The following SAV1 variants were observed in gnomAD, a reference collection of about 807,000 sequenced individuals.
SAV1 encodes the protein protein salvador homolog 1.
A neutral mutation model predicts 47.3 loss-of-function variants in SAV1; 23 were observed. The ratio of observed to expected loss-of-function variants is 0.49; its 90% CI spans 0.35 to 0.69. SAV1 has a LOEUF of 0.69. SAV1 is among the 30% of genes least tolerant of loss of function. The pLI is 0.01. For synonymous variants in SAV1, 155 were observed against 159.2 expected, an observed-to-expected ratio of 0.97 and a Z score of 0.20; for missense variants, 448 against 457.4, an observed-to-expected ratio of 0.98 and a Z score of 0.19.
intron 2 of SAV1, among the ~76,000 whole-genome samples, chr14:50,655,897 TAGCCGGGCATG>T (rs772255049): frequency 6.6e-6 from 1 of 151,950 alleles, no homozygotes; most frequent in Non-Finnish European, 1.5e-5. Context: ...AATACAAACT[TAGCCGGGCATG>T]GTGGCATATG....
At chr14:50,644,602 C>T (rs2039705187) in intron 3 of SAV1, 142 bp downstream of exon 3, 6 of 727,244 alleles carry the variant, frequency 8.3e-6, no homozygotes, top group South Asian at 6.4e-5. Context: ...AATGTATGTC[C>T]AGAGAAAAAT....
At position 50,667,902 on chromosome 14, in the gene SAV1, C is replaced by T. The variant is rs777411990; in HGVS notation, c.66G>A (p.Val22=). The T allele has an allele frequency of 2.5e-6, 4 of 1,613,228 alleles. No homozygotes were observed. Among genetic ancestry groups the T allele is most frequent in the Non-Finnish European group, 3.4e-6 (4 of 1,179,526 alleles). The change falls in exon 1 of 5, where the codon GTG becomes GTA. Residue 22 remains valine, a synonymous_variant. Coordinates refer to ENST00000324679, the MANE Select transcript of SAV1 (RefSeq NM_021818.4). ...SKPAEVQGKY[V]KKETSPLLRN... is the part of the protein sequence containing the mutation. ...GAAGCAGAGGCGACGTCTCCTTCTT[C>T]ACGTACTTCCCCTGCACCTCGGCCG...
chr14:50,657,006 C>G (rs975616231), intron 2 of SAV1, among the ~76,000 whole-genome samples: 5 of 148,664 alleles, frequency 3.4e-5, no homozygotes, highest in Non-Finnish European at 7.4e-5. Context: ...GGGAAAAGCA[C>G]AGAACACAAA....
At chr14:50,643,502 C>G (rs1469885310) in intron 3 of SAV1, among the ~76,000 whole-genome samples, 1 of 152,146 alleles carries the variant, frequency 6.6e-6, no homozygotes, top group Non-Finnish European at 1.5e-5. Context: ...GAAATGGCCC[C>G]CATGATTCAA....
chr14:50,644,770 G>GGC lies in SAV1; in HGVS notation c.778_779dup (p.Gln261ProfsTer57). The GGC allele has an allele frequency of 6.2e-7, 1 of 1,614,024 alleles. No individual in the cohort carries two copies. Among genetic ancestry groups the GGC allele is most frequent in the Non-Finnish European group, 8.5e-7 (1 of 1,179,968 alleles). ...TAGGAGCACAGGGATGCCTGTATTG[G>GGC]GCCTTCTTATTTGTGTGATCTACAT... On this transcript the variant is annotated frameshift_variant, in exon 3 of 5. Coordinates refer to ENST00000324679, the MANE Select transcript of SAV1 (RefSeq NM_021818.4). LOFTEE classifies it high-confidence loss of function.
intron 2 of SAV1, among the ~76,000 whole-genome samples, chr14:50,656,723 T>G (rs921969319): frequency 3.9e-5 from 6 of 152,152 alleles, no homozygotes; most frequent in African/African-American, 1.4e-4. Flanking sequence ...ATTACAGGCG[T>G]GAGCCACCGT....
intron 2 of SAV1, among the ~76,000 whole-genome samples, chr14:50,656,374 T>A (rs568210429): frequency 6.6e-6 from 1 of 151,978 alleles, no homozygotes; most frequent in Admixed American, 6.5e-5. Context: ...CAATGCCCTG[T>A]AAAGCCATGA....
intron 4 of SAV1, among the ~76,000 whole-genome samples, chr14:50,635,638 A>T (rs1285408423): frequency 6.6e-6 from 1 of 152,152 alleles, no homozygotes; most frequent in African/African-American, 2.4e-5. Flanking sequence ...ACATAGCAAG[A>T]CCCTGTTTCT....
In SAV1 at chr14:50,665,269, C is replaced by T; in HGVS notation, c.445G>A (p.Gly149Arg). Reference protein sequence around the residue: ...FFDGQRKRPLGDRAHEDYRYY... With the variant: ...FFDGQRKRPLRDRAHEDYRYY... ...CTGTAGTCTTCATGTGCACGATCTC[C>T]AAGTGGCCGCTTTCTCTGACCATCA... is the stretch of plus-strand genomic sequence containing the variant. The change falls in exon 2 of 5, where the codon GGA becomes AGA. Residue 149 changes from glycine to arginine, a missense_variant. Gly to Arg is a moderately radical substitution (Grantham distance 125). Transcript: ENST00000324679. 2 of 1,613,820 alleles carry T rather than the reference C, an allele frequency of 1.2e-6. No homozygotes were observed. Among genetic ancestry groups the T allele is most frequent in the Middle Eastern group, 1.7e-4 (1 of 6,054 alleles).
chr14:50,650,892 AC>A (rs916335952), intron 2 of SAV1, among the ~76,000 whole-genome samples: 1 of 152,150 alleles, frequency 6.6e-6, no homozygotes, highest in Non-Finnish European at 1.5e-5. Flanking sequence ...GCGTGGCGGC[AC>A]ATGCCTGTAG....
At chr14:50,644,626 T>C in intron 3 of SAV1, 118 bp downstream of exon 3, 1 of 947,272 alleles carries the variant, frequency 1.1e-6, no homozygotes, top group Non-Finnish European at 1.5e-6. Context: ...AATTTTGAAA[T>C]ATAAGGCTTT....
At chr14:50,641,360 T>G (rs924381178) in intron 3 of SAV1, among the ~76,000 whole-genome samples, 1 of 150,838 alleles carries the variant, frequency 6.6e-6, no homozygotes, top group East Asian at 2.0e-4. Context: ...GGAGTCAGAG[T>G]TGATCAGAAC....
At position 50,635,277 on chromosome 14, in the gene SAV1, A is replaced by AT. The variant is rs2039625017; in HGVS notation, c.1057dup (p.Met353AsnfsTer3). The stretch of plus-strand genomic sequence containing the variant: ...AAGGGCTTGTCTGTATGCTTCATAC[A>AT]TTTTAACAATCTGCTCCAATTCTTT... On this transcript the variant is annotated frameshift_variant, in exon 5 of 5. Coordinates refer to ENST00000324679, the MANE Select transcript of SAV1 (RefSeq NM_021818.4). LOFTEE classifies it high-confidence loss of function. 1.2e-6 allele frequency: 2 copies of AT among 1,614,022 alleles called. No individual in the cohort carries two copies. The highest frequency in any genetic ancestry group is 2.7e-5 in the African/African-American group (2 of 74,922).
chr14:50,665,173 A>G lies in SAV1; in HGVS notation c.535+6T>C. On this transcript the variant is annotated splice_donor_region_variant and intron_variant, in intron 2 of 4. Transcript: ENST00000324679. ...AACTACTATATTATTTATAATGTTA[A>G]GCTACCTGAAGCATGCCTCCCCTGA... 1 of 1,544,954 alleles carries G rather than the reference A, an allele frequency of 6.5e-7. No individual in the cohort carries two copies. The highest frequency in any genetic ancestry group is 2.3e-5 in the East Asian group (1 of 44,436).
intron 2 of SAV1, among the ~76,000 whole-genome samples, chr14:50,658,872 G>A (rs1393131023): frequency 6.6e-6 from 1 of 152,086 alleles, no homozygotes; most frequent in Non-Finnish European, 1.5e-5. Context: ...TTTTTCCCTT[G>A]TGGAAGAGGC....
At chr14:50,659,180 T>G (rs752497762) in intron 2 of SAV1, among the ~76,000 whole-genome samples, 9 of 151,276 alleles carry the variant, frequency 5.9e-5, no homozygotes, top group Non-Finnish European at 1.0e-4. Flanking sequence ...TAAAAGAGCC[T>G]GGGATGAGAC....
At chr14:50,652,074 G>T (rs993037404) in intron 2 of SAV1, among the ~76,000 whole-genome samples, 2 of 152,140 alleles carry the variant, frequency 1.3e-5, no homozygotes, top group Non-Finnish European at 2.9e-5. Context: ...TAAAGCAAAT[G>T]AATAGTTACA....
At position 50,635,105 on chromosome 14, in the gene SAV1, C is replaced by T; in HGVS notation, c.*78G>A. The stretch of plus-strand genomic sequence containing the variant: ...CACAAAGGAAGCAGCATTTATTAAC[C>T]AGAGTACTTGTTTGCAATTTTTTAT... On this transcript the variant is annotated 3_prime_UTR_variant, in exon 5 of 5. Transcript: ENST00000324679. The T allele has an allele frequency of 1.0e-6, 1 of 955,746 alleles. No individual in the cohort carries two copies. The highest frequency in any genetic ancestry group is 1.6e-6 in the Non-Finnish European group (1 of 614,510). The allele number at this position is 955,746 out of a possible 1,614,324, so 59.2% of individuals were successfully genotyped here. A position where few individuals can be genotyped will look rare whatever the true frequency, so the allele number is the denominator to read the frequency against.
At chr14:50,667,073 C>A (rs2039907675) in intron 1 of SAV1, among the ~76,000 whole-genome samples, 1 of 152,100 alleles carries the variant, frequency 6.6e-6, no homozygotes, top group South Asian at 2.1e-4. Flanking sequence ...AATACCAGCT[C>A]CATGCCTCAC....
Sources: allele counts gnomAD v4.1 joint callset (sites outside exome capture counted in the v4.1 genomes callset), GRCh38; gene constraint gnomAD v4.1.1; transcripts MANE v1.5; gene names NCBI Gene and HGNC (gene_info 2026-07-23, HGNC 2026-07-21).